The following KANK1 variants were observed in gnomAD, a reference collection of about 807,000 sequenced individuals.
KANK1 encodes KN motif and ankyrin repeat domain-containing protein 1.
Under a neutral mutation model 106.2 loss-of-function variants are expected in KANK1, and 109 were observed. The ratio of observed to expected loss-of-function variants is 1.03; its 90% CI spans 0.88 to 1.20. The LOEUF is 1.20. KANK1 is among the 50% of genes most tolerant of loss of function. The pLI, the probability that KANK1 is intolerant of heterozygous loss-of-function variation, is 0.00. For synonymous variants in KANK1, 873 were observed against 652.2 expected, an observed-to-expected ratio of 1.34 and a Z score of -5.16; for missense variants, 2,399 against 1,710.7, an observed-to-expected ratio of 1.40 and a Z score of -7.10.
At chr9:689,902 G>A (rs1215036683) in intron 2 of KANK1, among the ~76,000 whole-genome samples, 1 of 151,962 alleles carries the variant, frequency 6.6e-6, no homozygotes, top group Non-Finnish European at 1.5e-5. Flanking sequence ...TGCAAGGTAA[G>A]CTTACCTGAG....
chr9:741,839 G>A (rs763199004), intron 9 of KANK1, among the ~76,000 whole-genome samples: 17 of 150,964 alleles, frequency 1.1e-4, no homozygotes, highest in Non-Finnish European at 2.4e-4. Context: ...AGCTGCTCTT[G>A]AACTCCTGAG....
intron 1 of KANK1, among the ~76,000 whole-genome samples, chr9:632,338 C>T (rs2136829793): frequency 6.6e-6 from 1 of 152,092 alleles, no homozygotes; most frequent in African/African-American, 2.4e-5. Flanking sequence ...TGAGCTTTAC[C>T]TTAGGGCTCT....
At chr9:502,525 G>A (rs2058574244), upstream of KANK1, among the ~76,000 whole-genome samples, 3 of 136,178 alleles carry the variant, frequency 2.2e-5, no homozygotes, top group East Asian at 3.9e-4. Context: ...GGGATGGAGA[G>A]CACTTTTTTT....
At chr9:577,366 C>G (rs1820852371) in intron 1 of KANK1, among the ~76,000 whole-genome samples, 1 of 152,126 alleles carries the variant, frequency 6.6e-6, no homozygotes, top group Admixed American at 6.5e-5. Flanking sequence ...AAACCTTTAG[C>G]TAGACACAGA....
rs113128911 is a variant in KANK1 at position 606,598 on chromosome 9, ATGTG to A, written c.-83-70278_-83-70275del. Among the ~76,000 whole-genome samples the A allele has an allele frequency of 7.7e-3, 1,067 of 138,410 alleles. 114 individuals carry two copies. Among genetic ancestry groups the A allele is most frequent in the African/African-American group, 0.026 (801 of 30,718 alleles). The allele number at this position is 138,410 out of a possible 152,430, so 90.8% of individuals were successfully genotyped here. On this transcript the variant is annotated intron_variant, in intron 1 of 11. Transcript: ENST00000382297. ...TGTGTGTTTTATAAACCTATAAAAT[ATGTG>A]TGTGTGTGTGTGTATATATTTATAT... is the stretch of plus-strand genomic sequence containing the variant.
At chr9:740,158 A>T (rs1316253462) in intron 8 of KANK1, among the ~76,000 whole-genome samples, 1 of 152,222 alleles carries the variant, frequency 6.6e-6, no homozygotes, top group Non-Finnish European at 1.5e-5. Flanking sequence ...GGATAATTTT[A>T]TCCCTGAAGA....
At chr9:522,246 A>G (rs56165718) in intron 1 of KANK1, among the ~76,000 whole-genome samples, 5,046 of 151,850 alleles carry the variant, frequency 0.033, 451 homozygotes, top group African/African-American at 0.11. Context: ...TTTTTAAATT[A>G]AAGGTAAATA....
At chr9:680,114 A>G (rs1204917441) in intron 2 of KANK1, among the ~76,000 whole-genome samples, 1 of 152,164 alleles carries the variant, frequency 6.6e-6, no homozygotes, top group Non-Finnish European at 1.5e-5. Context: ...AGTAAATTAT[A>G]TGTTTCTTCA....
At chr9:742,171 G>T in intron 9 of KANK1, 34 bp from the exon 10 acceptor site, 1 of 1,596,238 alleles carries the variant, frequency 6.3e-7, no homozygotes, top group Non-Finnish European at 8.6e-7. Context: ...AGCTCAGTAC[G>T]TACTTCTGAA....
intron 2 of KANK1, among the ~76,000 whole-genome samples, chr9:680,138 G>T (rs990991156): frequency 2.6e-5 from 4 of 152,136 alleles, no homozygotes; most frequent in Non-Finnish European, 4.4e-5. Context: ...TCCAAAAATT[G>T]CTGCTTGGGC....
At chr9:658,752 A>C (rs1842684225) in intron 1 of KANK1, among the ~76,000 whole-genome samples, 1 of 152,076 alleles carries the variant, frequency 6.6e-6, no homozygotes, top group Non-Finnish European at 1.5e-5. Flanking sequence ...TTTCTGAAAG[A>C]GTTTTTCTTT....
chr9:549,660 CT>C, intron 1 of KANK1: 1 of 152,678 alleles, frequency 6.5e-6, no homozygotes, highest in Non-Finnish European at 1.5e-5. Flanking sequence ...GAGAAGCCAC[CT>C]TTTCCTCCCT....
intron 1 of KANK1, among the ~76,000 whole-genome samples, chr9:643,089 A>C (rs1460056271): frequency 6.6e-6 from 1 of 150,844 alleles, no homozygotes; most frequent in Non-Finnish European, 1.5e-5. Flanking sequence ...GATTCTGGTC[A>C]GATCACCATT....
chr9:737,813 C>T (rs1157934000), intron 7 of KANK1, among the ~76,000 whole-genome samples: 1 of 152,184 alleles, frequency 6.6e-6, no homozygotes, highest in Non-Finnish European at 1.5e-5. Context: ...TAGTTAATTT[C>T]TTCCTAATTT....
chr9:680,821 C>T (rs1316392101), intron 2 of KANK1: 2 of 152,420 alleles, frequency 1.3e-5, no homozygotes, highest in African/African-American at 4.8e-5. Flanking sequence ...TCCTCACCGC[C>T]AGCCCATCAA....
chr9:536,707 A>G (rs939869735), intron 1 of KANK1, among the ~76,000 whole-genome samples: 1 of 152,124 alleles, frequency 6.6e-6, no homozygotes, highest in Non-Finnish European at 1.5e-5. Flanking sequence ...CTCCATCCCA[A>G]AGTCCTTAAT....
chr9:580,335 C>A (rs1296120567), intron 1 of KANK1, among the ~76,000 whole-genome samples: 2 of 152,134 alleles, frequency 1.3e-5, no homozygotes, highest in Admixed American at 1.3e-4. Context: ...TGAGCAGCAG[C>A]AAGATTTATT....
rs766716775 is a variant in KANK1, at chr9:531,065, GT to G, written c.-84+26315del. 5.3e-5 allele frequency among the ~76,000 whole-genome samples: 8 copies of G among 152,280 alleles called. No individual in the cohort carries two copies. The East Asian group carries it at 9.6e-4, about 18-fold the overall frequency. Reference sequence around the variant, plus strand: ...GGGACCTAGGCTGGTAAAGGTCAGAGTTTTCTAACTCAAGGTTTGCTTCCTT... The same window carrying G: ...GGGACCTAGGCTGGTAAAGGTCAGAGTTTCTAACTCAAGGTTTGCTTCCTT... On this transcript the variant is annotated intron_variant, in intron 1 of 11. Coordinates refer to ENST00000382297, the MANE Select transcript of KANK1 (RefSeq NM_015158.5).
chr9:717,747 T>G (rs1206917999), intron 3 of KANK1, among the ~76,000 whole-genome samples: 1 of 152,226 alleles, frequency 6.6e-6, no homozygotes, highest in Non-Finnish European at 1.5e-5. Flanking sequence ...GATTAGTGTT[T>G]TCTTTTTTTA....
Sources: gnomAD v4.1 joint callset for allele counts (sites outside exome capture counted in the v4.1 genomes callset) on GRCh38, gnomAD v4.1.1 for gene constraint, MANE v1.5 for transcripts, NCBI Gene and HGNC (gene_info 2026-07-23, HGNC 2026-07-21) for gene names.